The following EN1 variants were observed in gnomAD, a reference collection of about 807,000 sequenced individuals.
EN1 encodes the protein engrailed homeobox 1.
Under a neutral mutation model 22.9 loss-of-function variants are expected in EN1, and 8 were observed. The observed-to-expected ratio is 0.35, with a 90% CI of 0.20 to 0.63. The LOEUF (loss-of-function observed/expected upper bound fraction) is 0.63, where lower values mean the gene tolerates loss of function less well. Ranked by LOEUF, EN1 falls within the 20% of genes least tolerant of loss-of-function variation. The pLI is 0.73. For missense variants in EN1, 521 were observed against 572.1 expected (o/e 0.91, Z 0.91); for synonymous variants, 287 against 262.5 (o/e 1.09, Z -0.90).
Position 118,846,660 on chromosome 2 carries a change from G to A in EN1, c.508C>T (p.Leu170=). Residue 170 remains leucine (L), a synonymous_variant, in exon 1 of 2, where the codon CTG becomes TTG. Coordinates refer to ENST00000295206, the MANE Select transcript of EN1 (RefSeq NM_001426.4). This position sits in a 1 kb window ranked among gnomAD's most constrained non-coding sequence, Gnocchi z 5.0. ...GTRAPGAASL[L]CAPDANCGPP... ...CCACAGTTCGCGTCCGGGGCGCACAGGAGCGAGGCAGCGCCTGGCGCCCGG... is the reference window on the plus strand; with the variant it reads ...CCACAGTTCGCGTCCGGGGCGCACAAGAGCGAGGCAGCGCCTGGCGCCCGG... The A allele has an allele frequency of 1.3e-6, 2 of 1,566,448 alleles. No homozygotes were observed. Among genetic ancestry groups the A allele is most frequent in the Non-Finnish European group, 1.7e-6 (2 of 1,166,320 alleles).
Position 118,846,374 on chromosome 2 carries a change from T to A in EN1, c.794A>T (p.Asp265Val), listed in dbSNP as rs1272341852. ...GGGCCATACGAGAGGCTGCTGCGAG[T>A]CAGTTTTGACCACGGGCCCGCCGTT... Reference protein sequence around the residue: ...SANGGPVVKTDSQQPLVWPAW... With the variant: ...SANGGPVVKTVSQQPLVWPAW... Residue 265 changes from aspartate to valine, a missense_variant, in exon 1 of 2, where the codon GAC (aspartate) becomes GTC (valine). Asp to Val is a radical substitution (Grantham distance 152, BLOSUM62 -3). Around this residue, in one of 3 missense-constraint regions of EN1, gnomAD observed 436 missense variants for 410.1 expected, o/e 1.06. Transcript: ENST00000295206. The surrounding 1 kb of genome is among the most constrained non-coding windows in gnomAD (Gnocchi z 5.0). 2 of 1,611,994 alleles carry A rather than the reference T, an allele frequency of 1.2e-6. No homozygotes were observed. Among genetic ancestry groups the A allele is most frequent in the African/African-American group, 2.7e-5 (2 of 74,820 alleles).
rs1678290387 is a variant in EN1, at chr2:118,847,082, A to T, written c.86T>A (p.Leu29Gln). Residue 29 changes from leucine to glutamine, a missense_variant, in exon 1 of 2, where the codon CTG becomes CAG. Transcript: ENST00000295206. ...GCCGCTGGCGCCCGGACTGAGGCTC[A>T]GGCTGAGGCCGCCCGGAGTCGCCGC... is the stretch of plus-strand genomic sequence containing the variant. Reference protein sequence around the residue: ...AAAATPGGLSLSLSPGASGSS... With the variant: ...AAAATPGGLSQSLSPGASGSS... 1 of 1,415,936 alleles carries T rather than the reference A, an allele frequency of 7.1e-7. No homozygotes were observed. Among genetic ancestry groups the T allele is most frequent in the Non-Finnish European group, 9.2e-7 (1 of 1,086,838 alleles). The allele number at this position is 1,415,936 out of a possible 1,614,324, so 87.7% of individuals were successfully genotyped here.
chr2:118,842,738 C>A lies in EN1; in HGVS notation c.*200G>T. Reference sequence around the variant, plus strand: ...AATGGATCTTATTTTTCGATAGCACCTGTCCGAGTCTTTCTCCCTTTTCAA... The same window carrying A: ...AATGGATCTTATTTTTCGATAGCACATGTCCGAGTCTTTCTCCCTTTTCAA... On this transcript the variant is annotated 3_prime_UTR_variant, in exon 2 of 2. Coordinates refer to ENST00000295206, the MANE Select transcript of EN1 (RefSeq NM_001426.4). The A allele has an allele frequency of 1.1e-6, 1 of 934,070 alleles. No individual in the cohort carries two copies. The highest frequency in any genetic ancestry group is 1.7e-5 in the African/African-American group (1 of 60,086). The allele number at this position is 934,070 out of a possible 1,614,324, so 57.9% of individuals were successfully genotyped here. A position where few individuals can be genotyped will look rare whatever the true frequency, so the allele number is the denominator to read the frequency against.
intron 1 of EN1, among the ~76,000 whole-genome samples, chr2:118,843,556 C>T (rs1205937529): frequency 6.6e-6 from 1 of 152,296 alleles, no homozygotes; most frequent in East Asian, 1.9e-4. Context: ...TCTCACAGGA[C>T]AGTCAGGGAC....
At chr2:118,845,190 G>A (rs1453163319) in intron 1 of EN1, among the ~76,000 whole-genome samples, 2 of 152,258 alleles carry the variant, frequency 1.3e-5, no homozygotes, top group African/African-American at 4.8e-5. Flanking sequence ...CTGATAGTGC[G>A]CATCGATCCG....
At position 118,847,095 on chromosome 2, in the gene EN1, C is replaced by A; in HGVS notation, c.73G>T (p.Gly25Cys). Reference sequence around the variant, plus strand: ...GGACTGAGGCTCAGGCTGAGGCCGCCCGGAGTCGCCGCCGCCGCCGCGCCG... The same window carrying A: ...GGACTGAGGCTCAGGCTGAGGCCGCACGGAGTCGCCGCCGCCGCCGCGCCG... Reference protein sequence around the residue: ...ALGAAAAATPGGLSLSLSPGA... With the variant: ...ALGAAAAATPCGLSLSLSPGA... Residue 25 changes from glycine (G) to cysteine (C), a missense_variant, in exon 1 of 2, where the codon GGC becomes TGC. Physicochemically the swap from Gly to Cys is radical, Grantham distance 159. Transcript: ENST00000295206. 7.1e-7 allele frequency: 1 copy of A among 1,412,044 alleles called. No individual in the cohort carries two copies. The highest frequency in any genetic ancestry group is 2.7e-5 in the Admixed American group (1 of 36,534). 87.5% of individuals were successfully genotyped at this position (1,412,044 alleles called of 1,614,324 possible). A position where few individuals can be genotyped will look rare whatever the true frequency, so the allele number is the denominator to read the frequency against.
chr2:118,842,302 G>C lies in EN1; in HGVS notation c.*636C>G, dbSNP rs979588408. On this transcript the variant is annotated 3_prime_UTR_variant, in exon 2 of 2. Coordinates refer to ENST00000295206, the MANE Select transcript of EN1 (RefSeq NM_001426.4). ...TCAACAAGTCTCCGGAAAACGAAAG[G>C]GGGGCAGAACAGACAGACCGACAGA... The C allele has an allele frequency of 6.6e-6, 1 of 152,634 alleles. No homozygotes were observed. The highest frequency in any genetic ancestry group is 6.5e-5 in the Admixed American group (1 of 15,280). The allele number at this position is 152,634 out of a possible 1,614,324, so 9.5% of individuals were successfully genotyped here.
In EN1 at chr2:118,842,809, T is replaced by C. The variant is rs1678210912; in HGVS notation, c.*129A>G. 4 of 1,399,852 alleles carry C rather than the reference T, an allele frequency of 2.9e-6. No individual in the cohort carries two copies. The South Asian group carries it at 4.6e-5, about 16-fold the overall frequency. The allele number at this position is 1,399,852 out of a possible 1,614,324, so 86.7% of individuals were successfully genotyped here. A position where few individuals can be genotyped will look rare whatever the true frequency, so the allele number is the denominator to read the frequency against. On this transcript the variant is annotated 3_prime_UTR_variant, in exon 2 of 2. Coordinates refer to ENST00000295206, the MANE Select transcript of EN1 (RefSeq NM_001426.4). ...ATTGTCCATTCTGAGGCTCTCTTTCTGTCTCTCTCGCTCTTTTCCCTGCGC... is the reference window on the plus strand; with the variant it reads ...ATTGTCCATTCTGAGGCTCTCTTTCCGTCTCTCTCGCTCTTTTCCCTGCGC...
rs1224418617 is a variant in EN1, at chr2:118,842,632, A to G, written c.*306T>C. 4.1e-6 allele frequency: 1 copy of G among 245,078 alleles called. No homozygotes were observed. Among genetic ancestry groups the G allele is most frequent in the Non-Finnish European group, 7.8e-6 (1 of 127,828 alleles). The allele number at this position is 245,078 out of a possible 1,614,324, so 15.2% of individuals were successfully genotyped here. A position where few individuals can be genotyped will look rare whatever the true frequency, so the allele number is the denominator to read the frequency against. ...TATGTGTTTTCCTTACCTGAAATTA[A>G]ATATATACAAGGTCGTAAGCGGTTT... On this transcript the variant is annotated 3_prime_UTR_variant, in exon 2 of 2. Coordinates refer to ENST00000295206, the MANE Select transcript of EN1 (RefSeq NM_001426.4).
In EN1 at chr2:118,842,534, T is replaced by C. The variant is rs1434468094; in HGVS notation, c.*404A>G. 1 of 151,816 alleles carries C rather than the reference T, an allele frequency of 6.6e-6. No homozygotes were observed. The highest frequency in any genetic ancestry group is 2.4e-5 in the African/African-American group (1 of 41,306). 9.4% of individuals were successfully genotyped at this position (151,816 alleles called of 1,614,324 possible). A position where few individuals can be genotyped will look rare whatever the true frequency, so the allele number is the denominator to read the frequency against. On this transcript the variant is annotated 3_prime_UTR_variant, in exon 2 of 2. Transcript: ENST00000295206. ...GGGGGAGGGGATAAAATAATTATAA[T>C]AATTATAATAATTATAACAATAATA...
Position 118,847,134 on chromosome 2 carries a change from G to C in EN1, c.34C>G (p.Arg12Gly). Residue 12 changes from arginine to glycine, a missense_variant, in exon 1 of 2, where the codon CGC (arginine) becomes GGC (glycine). This residue lies in a region of EN1 where 436 missense variants were observed against 410.1 expected (regional missense o/e 1.06). Transcript: ENST00000295206. ...EEQQPEPKSQRDSALGAAAAA... is the reference protein window; with the variant it reads ...EEQQPEPKSQGDSALGAAAAA... Reference sequence around the variant, plus strand: ...GCCGCCGCGCCGAGGGCCGAGTCGCGCTGACTTTTAGGTTCCGGCTGCTGT... The same window carrying C: ...GCCGCCGCGCCGAGGGCCGAGTCGCCCTGACTTTTAGGTTCCGGCTGCTGT... 7.7e-7 allele frequency: 1 copy of C among 1,302,794 alleles called. No individual in the cohort carries two copies. 80.7% of individuals were successfully genotyped at this position (1,302,794 alleles called of 1,614,324 possible).
chr2:118,844,443 G>A (rs759072634), intron 1 of EN1: 13 of 152,236 alleles, frequency 8.5e-5, no homozygotes, highest in Non-Finnish European at 1.8e-4. Flanking sequence ...GAGGGAAAGC[G>A]GGAAAACCAG....
chr2:118,844,670 TG>T (rs1678241697), intron 1 of EN1, among the ~76,000 whole-genome samples: 2 of 152,176 alleles, frequency 1.3e-5, no homozygotes, highest in Non-Finnish European at 2.9e-5. Flanking sequence ...AGAGGAAGGC[TG>T]GGCAGCCTAC....
rs766615468 is a variant in EN1, at chr2:118,846,424, C to T, written c.744G>A (p.Pro248=). ...TGGCTGAGCCCATAAGTAGGATAGCCGGGTTGCCGTGCTCCGGGTATTTGG... is the reference window on the plus strand; with the variant it reads ...TGGCTGAGCCCATAAGTAGGATAGCTGGGTTGCCGTGCTCCGGGTATTTGG... ...QGTKYPEHGN[P]AILLMGSANG... The change falls in exon 1 of 2, where the codon CCG becomes CCA. Residue 248 remains proline, a synonymous_variant. Transcript: ENST00000295206. This position sits in a 1 kb window ranked among gnomAD's most constrained non-coding sequence, Gnocchi z 5.0. The T allele has an allele frequency of 6.2e-7, 1 of 1,613,164 alleles. No individual in the cohort carries two copies. Among genetic ancestry groups the T allele is most frequent in the South Asian group, 1.1e-5 (1 of 90,988 alleles).
intron 1 of EN1, among the ~76,000 whole-genome samples, chr2:118,845,704 C>T: frequency 6.6e-6 from 1 of 152,168 alleles, no homozygotes; most frequent in South Asian, 2.1e-4. Context: ...TGGTTTCTAC[C>T]CACCCGGGTC....
chr2:118,844,221 C>G (rs1279194766), intron 1 of EN1: 2 of 152,146 alleles, frequency 1.3e-5, no homozygotes, highest in Non-Finnish European at 2.9e-5. Context: ...GATTGGCTTT[C>G]TCTGCCTACT....
chr2:118,842,929 C>A lies in EN1; in HGVS notation c.*9G>T. The A allele has an allele frequency of 6.3e-7, 1 of 1,598,202 alleles. No individual in the cohort carries two copies. On this transcript the variant is annotated 3_prime_UTR_variant, in exon 2 of 2. Transcript: ENST00000295206. ...GAGGGGGCGCGGGCGCGGCCCCGGC[C>A]TGTGGCGGCTACTCGCTCTCGTCTT...
Position 118,842,568 on chromosome 2 carries a change from GATTA to G in EN1, c.*366_*369del, listed in dbSNP as rs1470269661. On this transcript the variant is annotated 3_prime_UTR_variant, in exon 2 of 2. Coordinates refer to ENST00000295206, the MANE Select transcript of EN1 (RefSeq NM_001426.4). Reference sequence around the variant, plus strand: ...TAATTATAACAATAATAATAAAGGAGATTAATAAAAATGTCCAGCAAATAGAGAT... The same window carrying G: ...TAATTATAACAATAATAATAAAGGAGATAAAAATGTCCAGCAAATAGAGAT... The G allele has an allele frequency of 6.4e-6, 1 of 155,888 alleles. No individual in the cohort carries two copies. Among genetic ancestry groups the G allele is most frequent in the Non-Finnish European group, 1.4e-5 (1 of 70,358 alleles). 9.7% of individuals were successfully genotyped at this position (155,888 alleles called of 1,614,324 possible).
chr2:118,843,000 T>A lies in EN1; in HGVS notation c.1117A>T (p.Met373Leu). 1 of 1,614,046 alleles carries A rather than the reference T, an allele frequency of 6.2e-7. No homozygotes were observed. The highest frequency in any genetic ancestry group is 2.2e-5 in the East Asian group (1 of 44,860). ...GAGTGGTTGTACAGTCCCTGGGCCATGAGGTGCAGCGCCAGGCCGTTCTTG... is the reference window on the plus strand; with the variant it reads ...GAGTGGTTGTACAGTCCCTGGGCCAAGAGGTGCAGCGCCAGGCCGTTCTTG... ...GIKNGLALHLMAQGLYNHSTT... is the reference protein window; with the variant it reads ...GIKNGLALHLLAQGLYNHSTT... The change falls in exon 2 of 2, where the codon ATG becomes TTG. Residue 373 changes from methionine (M) to leucine (L), a missense_variant. Physicochemically the swap from Met to Leu is conservative, Grantham distance 15. This residue lies in a region of EN1 where 35 missense variants were observed against 40.2 expected (regional missense o/e 0.87). Transcript: ENST00000295206.
Sources: allele counts gnomAD v4.1 joint callset (sites outside exome capture counted in the v4.1 genomes callset), GRCh38; gene constraint gnomAD v4.1.1; regional missense constraint gnomAD v4.1.1; non-coding constraint Gnocchi (gnomAD v3.1); transcripts MANE v1.5; gene names NCBI Gene and HGNC (gene_info 2026-07-23, HGNC 2026-07-21).